Variants in EPB41L4B observed in about 807,000 individuals in gnomAD.
The protein encoded by EPB41L4B is band 4.1-like protein 4B.
In EPB41L4B, 30 loss-of-function variants were observed where a neutral mutation model predicts 112.5. That is an observed-to-expected ratio of 0.27 (90% CI 0.20 to 0.36). EPB41L4B has a LOEUF of 0.36. Among genes scored for constraint, EPB41L4B ranks in the 10% least tolerant of loss-of-function variants. The pLI is 1.00. For missense variants in EPB41L4B, 1,024 were observed against 1,133.3 expected, an observed-to-expected ratio of 0.90 and a Z score of 1.38; for synonymous variants, 408 against 439.7, an observed-to-expected ratio of 0.93 and a Z score of 0.90.
At chr9:109,309,755 C>CACAGAGAGAGAGAGAGAGAGAG (rs1469457835) in intron 1 of EPB41L4B, among the ~76,000 whole-genome samples, 3 of 142,136 alleles carry the variant, frequency 2.1e-5, no homozygotes, top group African/African-American at 7.9e-5. Flanking sequence ...AATACACACA[C>CACAGAGAGAGAGAGAGAGAGAG]AGAGAGAGAG....
chr9:109,259,592 A>T (rs1313327947), intron 6 of EPB41L4B, among the ~76,000 whole-genome samples: 1 of 152,156 alleles, frequency 6.6e-6, no homozygotes, highest in African/African-American at 2.4e-5. Flanking sequence ...ACCCTATCAT[A>T]ATCTATCTAT....
intron 15 of EPB41L4B, among the ~76,000 whole-genome samples, chr9:109,235,259 T>C (rs1834097798): frequency 6.6e-6 from 1 of 152,146 alleles, no homozygotes; most frequent in South Asian, 2.1e-4. Context: ...CAAAGAGACA[T>C]GTCTTTATAT....
intron 1 of EPB41L4B, among the ~76,000 whole-genome samples, chr9:109,303,906 C>G (rs1406554992): frequency 6.6e-6 from 1 of 151,864 alleles, no homozygotes; most frequent in African/African-American, 2.4e-5. Flanking sequence ...TTCCCTTTTT[C>G]TCTTCCTATT....
At position 109,174,007 on chromosome 9, in the gene EPB41L4B, T is replaced by C. The variant is rs1241703518; in HGVS notation, c.*547A>G. ...ATATTTCAGATTAAGCTGAAGTACC[T>C]TCAGTCATAGTGATATGTAACTTTC... On this transcript the variant is annotated 3_prime_UTR_variant, in exon 26 of 26. Transcript: ENST00000374566. 1 of 152,504 alleles carries C rather than the reference T, an allele frequency of 6.6e-6. No homozygotes were observed. Among genetic ancestry groups the C allele is most frequent in the Non-Finnish European group, 1.5e-5 (1 of 68,090 alleles). The allele number at this position is 152,504 out of a possible 1,614,324, so 9.4% of individuals were successfully genotyped here.
At chr9:109,203,944 G>A (rs549326071) in intron 18 of EPB41L4B, among the ~76,000 whole-genome samples, 1 of 152,302 alleles carries the variant, frequency 6.6e-6, no homozygotes, top group East Asian at 1.9e-4. Context: ...CAATCATTCA[G>A]ATGCAATCAA....
chr9:109,302,949 C>T (rs570275172), intron 1 of EPB41L4B, among the ~76,000 whole-genome samples: 2 of 151,996 alleles, frequency 1.3e-5, no homozygotes, highest in African/African-American at 4.8e-5. Flanking sequence ...GGTGCAGTAG[C>T]ATGCGCCTGC....
intron 2 of EPB41L4B, among the ~76,000 whole-genome samples, chr9:109,271,630 G>A (rs758084761): frequency 2.0e-5 from 3 of 152,222 alleles, no homozygotes; most frequent in Non-Finnish European, 4.4e-5. Context: ...GCTCGGCTTT[G>A]AGGACTGTAT....
At chr9:109,311,407 C>T (rs796208858) in intron 1 of EPB41L4B, among the ~76,000 whole-genome samples, 5 of 152,204 alleles carry the variant, frequency 3.3e-5, no homozygotes, top group African/African-American at 1.2e-4. Context: ...CTGCAGGCAC[C>T]CGCTGAACCA....
At chr9:109,226,661 T>C (rs1312587978) in intron 15 of EPB41L4B, among the ~76,000 whole-genome samples, 1 of 86,348 alleles carries the variant, frequency 1.2e-5, no homozygotes, top group African/African-American at 3.9e-5. Context: ...AGAATATATA[T>C]ATGAAGAATA....
At chr9:109,228,959 A>G (rs2118897758) in intron 15 of EPB41L4B, among the ~76,000 whole-genome samples, 1 of 152,342 alleles carries the variant, frequency 6.6e-6, no homozygotes, top group East Asian at 1.9e-4. Flanking sequence ...ACATTTTGAA[A>G]TTGGATTTTC....
chr9:109,219,957 CAAAG>C (rs1833517398), intron 15 of EPB41L4B, among the ~76,000 whole-genome samples: 1 of 151,936 alleles, frequency 6.6e-6, no homozygotes, highest in Non-Finnish European at 1.5e-5. Flanking sequence ...GGCCAATGCA[CAAAG>C]AAAGACAAGA....
At chr9:109,262,465 G>GTT (rs1351266226) in intron 6 of EPB41L4B, among the ~76,000 whole-genome samples, 5 of 151,554 alleles carry the variant, frequency 3.3e-5, no homozygotes, top group Non-Finnish European at 7.4e-5. Context: ...GTGTGTGTGT[G>GTT]TGTGTGTGTG....
Position 109,320,450 on chromosome 9 carries a change from G to A in EPB41L4B, c.-4C>T. ...TCCGGCGCAGGAACCGCAGCATCCT[G>A]GCTGGGGGCGCCCCCTGCCTCCGCC... On this transcript the variant is annotated 5_prime_UTR_variant, in exon 1 of 26. Coordinates refer to ENST00000374566, the MANE Select transcript of EPB41L4B (RefSeq NM_019114.5). 1.0e-6 allele frequency: 1 copy of A among 988,526 alleles called. No homozygotes were observed. Among genetic ancestry groups the A allele is most frequent in the Non-Finnish European group, 1.2e-6 (1 of 834,264 alleles). The allele number at this position is 988,526 out of a possible 1,614,324, so 61.2% of individuals were successfully genotyped here. A position where few individuals can be genotyped will look rare whatever the true frequency, so the allele number is the denominator to read the frequency against.
At chr9:109,280,450 C>T (rs1835990620) in intron 1 of EPB41L4B, among the ~76,000 whole-genome samples, 1 of 152,142 alleles carries the variant, frequency 6.6e-6, no homozygotes, top group East Asian at 1.9e-4. Flanking sequence ...AGGTTCATGC[C>T]AAGGTTTTGA....
chr9:109,230,920 C>A (rs539028456), intron 15 of EPB41L4B, among the ~76,000 whole-genome samples: 1 of 152,254 alleles, frequency 6.6e-6, no homozygotes, highest in Middle Eastern at 3.4e-3. Flanking sequence ...CACTGGGAGG[C>A]CAATGTAGGC....
chr9:109,213,038 G>A (rs1193843849), intron 17 of EPB41L4B, among the ~76,000 whole-genome samples: 5 of 152,224 alleles, frequency 3.3e-5, no homozygotes, highest in African/African-American at 1.2e-4. Flanking sequence ...GTGAAGGGCC[G>A]TGTGACCTTG....
At chr9:109,228,133 T>C (rs1338100240) in intron 15 of EPB41L4B, among the ~76,000 whole-genome samples, 1 of 152,264 alleles carries the variant, frequency 6.6e-6, no homozygotes, top group East Asian at 1.9e-4. Flanking sequence ...CTGAAGTTTA[T>C]ACATTATCTA....
intron 21 of EPB41L4B, among the ~76,000 whole-genome samples, chr9:109,192,885 C>A (rs1235998612): frequency 6.6e-6 from 1 of 152,158 alleles, no homozygotes; most frequent in East Asian, 1.9e-4. Flanking sequence ...AAAGAAGTCC[C>A]ATCAACGTGG....
At chr9:109,294,525 G>T (rs4361825) in intron 1 of EPB41L4B, among the ~76,000 whole-genome samples, 19,515 of 151,896 alleles carry the variant, frequency 0.13, 1,763 homozygotes, top group East Asian at 0.39. Context: ...GAGGTAGGAG[G>T]AAGATTGAGG....
Sources: allele counts gnomAD v4.1 joint callset (sites outside exome capture counted in the v4.1 genomes callset), GRCh38; gene constraint gnomAD v4.1.1; transcripts MANE v1.5; gene names NCBI Gene and HGNC (gene_info 2026-07-23, HGNC 2026-07-21).